Variants in MDH1 observed in about 807,000 individuals in gnomAD.
MDH1 encodes the protein malate dehydrogenase, cytoplasmic.
In MDH1, 15 loss-of-function variants were observed where a neutral mutation model predicts 38.7. The observed-to-expected ratio is 0.39, with a 90% CI of 0.26 to 0.60. The LOEUF is 0.60. Among genes scored for constraint, MDH1 ranks in the 20% least tolerant of loss-of-function variants. The pLI, the probability that MDH1 is intolerant of heterozygous loss-of-function variation, is 0.56. For missense variants in MDH1, 368 were observed against 405.2 expected, an observed-to-expected ratio of 0.91 and a Z score of 0.79; for synonymous variants, 144 against 143.6, an observed-to-expected ratio of 1.00 and a Z score of -0.02.
Position 63,607,087 on chromosome 2 carries a change from T to A in MDH1, c.*100T>A. 8.3e-7 allele frequency: 1 copy of A among 1,208,858 alleles called. No individual in the cohort carries two copies. Among genetic ancestry groups the A allele is most frequent in the Non-Finnish European group, 1.1e-6 (1 of 880,370 alleles). 74.9% of individuals were successfully genotyped at this position (1,208,858 alleles called of 1,614,324 possible). A position where few individuals can be genotyped will look rare whatever the true frequency, so the allele number is the denominator to read the frequency against. ...AATAATGCTATACTTAAATTACTTG[T>A]GAAAAACAACACATTTTAAAGATTA... On this transcript the variant is annotated 3_prime_UTR_variant, in exon 9 of 9. Coordinates refer to ENST00000233114, the MANE Select transcript of MDH1 (RefSeq NM_005917.4).
intron 1 of MDH1, among the ~76,000 whole-genome samples, chr2:63,591,344 C>G (rs1709198132): frequency 1.3e-5 from 2 of 152,210 alleles, no homozygotes; most frequent in Non-Finnish European, 2.9e-5. Flanking sequence ...TTCAGACATT[C>G]AAACACTAAG....
intron 6 of MDH1, 92 bp from the exon 7 acceptor site, chr2:63,605,188 A>G: frequency 1.2e-6 from 1 of 832,518 alleles, no homozygotes; most frequent in Non-Finnish European, 2.0e-6. Flanking sequence ...AGCTCTGGTC[A>G]TAGCTTTTCA....
intron 6 of MDH1, 100 bp from the exon 7 acceptor site, chr2:63,605,180 C>A: frequency 1.3e-6 from 1 of 777,454 alleles, no homozygotes; most frequent in Non-Finnish European, 2.1e-6. Flanking sequence ...AAACATTAAG[C>A]TCTGGTCATA....
intron 1 of MDH1, chr2:63,589,824 A>G (rs938413473): frequency 4.3e-6 from 1 of 230,998 alleles, no homozygotes; most frequent in African/African-American, 2.2e-5. Flanking sequence ...TGGCGTAGGA[A>G]TAATCTGCGT....
At chr2:63,590,475 G>C (rs1709170667) in intron 1 of MDH1, 1 of 152,136 alleles carries the variant, frequency 6.6e-6, no homozygotes, top group Non-Finnish European at 1.5e-5. Flanking sequence ...ATTTTTACTA[G>C]CTGAGATTCC....
At chr2:63,597,251 AT>A (rs1709331304) in intron 3 of MDH1, 147 bp from the exon 4 acceptor site, 1 of 1,227,896 alleles carries the variant, frequency 8.1e-7, no homozygotes, top group African/African-American at 1.6e-5. Context: ...TTAATATATT[AT>A]CTTTCTCAGG....
At chr2:63,605,840 G>T in intron 7 of MDH1, 99 bp from the exon 8 acceptor site, 2 of 948,728 alleles carry the variant, frequency 2.1e-6, no homozygotes, top group South Asian at 2.6e-5. Context: ...ATGATGTTAT[G>T]AACATAGTAA....
At position 63,605,128 on chromosome 2, in the gene MDH1, T is replaced by C. The variant is rs1022839785; in HGVS notation, c.676-152T>C. The C allele has an allele frequency of 6.2e-6, 4 of 647,118 alleles. No individual in the cohort carries two copies. In the South Asian group the frequency reaches 8.0e-5, roughly 13 times the overall value. 40.1% of individuals were successfully genotyped at this position (647,118 alleles called of 1,614,324 possible). ...ACATAGTTTCCTTTTTCCAGAAGGATTGGTAAGGCTGACATTGGGTTGTTG... is the reference window on the plus strand; with the variant it reads ...ACATAGTTTCCTTTTTCCAGAAGGACTGGTAAGGCTGACATTGGGTTGTTG... On this transcript the variant is annotated intron_variant, in intron 6 of 8. Coordinates refer to ENST00000233114, the MANE Select transcript of MDH1 (RefSeq NM_005917.4).
At chr2:63,598,131 T>C (rs1275230811) in intron 4 of MDH1, 2 of 152,104 alleles carry the variant, frequency 1.3e-5, no homozygotes, top group African/African-American at 4.8e-5. Flanking sequence ...TTTTTATTAA[T>C]TTTTTTAATT....
chr2:63,593,512 T>C (rs975070211), intron 1 of MDH1: 5 of 470,084 alleles, frequency 1.1e-5, no homozygotes, highest in African/African-American at 4.0e-5. Flanking sequence ...CCTTCGAGGC[T>C]ATCCATCCTT....
chr2:63,594,882 G>A, intron 2 of MDH1: 1 of 298,978 alleles, frequency 3.3e-6, no homozygotes, highest in Non-Finnish European at 6.3e-6. Flanking sequence ...CAGTCATGTG[G>A]GAGAGAGTTA....
At chr2:63,602,074 G>A (rs1051821197) in intron 5 of MDH1, among the ~76,000 whole-genome samples, 2 of 152,158 alleles carry the variant, frequency 1.3e-5, no homozygotes, top group East Asian at 1.9e-4. Flanking sequence ...TGCAAATATT[G>A]TAGATAATAG....
chr2:63,602,695 C>T (rs959106256), intron 5 of MDH1, among the ~76,000 whole-genome samples: 64 of 152,206 alleles, frequency 4.2e-4, no homozygotes, highest in African/African-American at 1.5e-3. Flanking sequence ...TATGGTCACA[C>T]CACCCTCTGT....
Position 63,589,055 on chromosome 2 carries a change from G to A in MDH1, c.3+9G>A, listed in dbSNP as rs1313904771. 1 of 1,614,078 alleles carries A rather than the reference G, an allele frequency of 6.2e-7. No homozygotes were observed. The highest frequency in any genetic ancestry group is 1.7e-5 in the Admixed American group (1 of 60,036). On this transcript the variant is annotated intron_variant, in intron 1 of 8. Coordinates refer to ENST00000233114, the MANE Select transcript of MDH1 (RefSeq NM_005917.4). Reference sequence around the variant, plus strand: ...CGCAGTTTTCAATCATGGTGAGTGTGGGCCCCGGGTTCCTGCCCACCTCTG... The same window carrying A: ...CGCAGTTTTCAATCATGGTGAGTGTAGGCCCCGGGTTCCTGCCCACCTCTG...
chr2:63,601,300 T>C lies in MDH1; in HGVS notation c.498+2008T>C, dbSNP rs188662007. 2.6e-5 allele frequency among the ~76,000 whole-genome samples: 4 copies of C among 152,352 alleles called. No homozygotes were observed. The East Asian group carries it at 7.7e-4, about 29-fold the overall frequency. ...TTTTCTTACAGGACTGGTTGCTAGA[T>C]ATTTTTGTCTTGGAATTCAGAGGCC... On this transcript the variant is annotated intron_variant, in intron 5 of 8. Coordinates refer to ENST00000233114, the MANE Select transcript of MDH1 (RefSeq NM_005917.4).
intron 8 of MDH1, 132 bp downstream of exon 8, chr2:63,606,160 T>C (rs1709524606): frequency 2.4e-6 from 2 of 843,654 alleles, no homozygotes; most frequent in Non-Finnish European, 4.0e-6. Context: ...GGTGGCAAGA[T>C]TGCTTGAGCC....
At chr2:63,603,300 G>A (rs1294365704) in intron 5 of MDH1, among the ~76,000 whole-genome samples, 1 of 152,142 alleles carries the variant, frequency 6.6e-6, no homozygotes, top group South Asian at 2.1e-4. Context: ...TCAGTTTGGA[G>A]CTGTTATTAC....
chr2:63,597,544 CT>C lies in MDH1; in HGVS notation c.347del (p.Leu116Ter). 6.9e-7 allele frequency: 1 copy of C among 1,448,966 alleles called. No individual in the cohort carries two copies. The highest frequency in any genetic ancestry group is 9.2e-7 in the Non-Finnish European group (1 of 1,088,954). 89.8% of individuals were successfully genotyped at this position (1,448,966 alleles called of 1,614,324 possible). A position where few individuals can be genotyped will look rare whatever the true frequency, so the allele number is the denominator to read the frequency against. On this transcript the variant is annotated frameshift_variant, in exon 4 of 9. Transcript: ENST00000233114. LOFTEE classifies it high-confidence loss of function. The stretch of plus-strand genomic sequence containing the variant: ...AAATCTTCAAATCCCAGGGTGCAGC[CT>C]TAGATAAATACGCCAAGAAGTCAGT... ...VKIFKSQGAA[L>X]DKYAKKSVKV... is the part of the protein sequence containing the mutation.
intron 7 of MDH1, 78 bp downstream of exon 7, chr2:63,605,471 C>A: frequency 9.7e-7 from 1 of 1,030,916 alleles, no homozygotes; most frequent in Non-Finnish European, 1.5e-6. Context: ...AGAATATAGC[C>A]TTAGCAGTCA....
Sources: gnomAD v4.1 joint callset for allele counts (sites outside exome capture counted in the v4.1 genomes callset) on GRCh38, gnomAD v4.1.1 for gene constraint, MANE v1.5 for transcripts, NCBI Gene and HGNC (gene_info 2026-07-23, HGNC 2026-07-21) for gene names.